Variants in ABCA6 observed in about 807,000 individuals in gnomAD.
ABCA6 encodes ATP-binding cassette sub-family A member 6.
A neutral mutation model predicts 191.2 loss-of-function variants in ABCA6; 164 were observed. The observed-to-expected ratio is 0.86, with a 90% CI of 0.76 to 0.98. The LOEUF is 0.98. Ranked by LOEUF, ABCA6 falls within the 50% of genes least tolerant of loss-of-function variation. The probability of loss-of-function intolerance (pLI) is 0.00; values close to 1 mark genes in which losing one functional copy is unlikely to be tolerated. For synonymous variants in ABCA6, 636 were observed against 647.7 expected, an observed-to-expected ratio of 0.98 and a Z score of 0.27; for missense variants, 1,958 against 1,894.1, an observed-to-expected ratio of 1.03 and a Z score of -0.63.
At position 69,106,113 on chromosome 17, in the gene ABCA6, T is replaced by A; in HGVS notation, c.2488A>T (p.Met830Leu). Residue 830 changes from methionine to leucine, a missense_variant, in exon 19 of 39, where the codon ATG becomes TTG. By Grantham distance (15) the Met-to-Leu change is conservative (BLOSUM62 2). Transcript: ENST00000284425. ...AAGACTTGCATTCTCCAGAGGCCCA[T>A]GTCACTCACAGCTGTCTGCATTTCA... is the stretch of plus-strand genomic sequence containing the variant. ...FSEMQTAVSDMGLWRMQVFAM... is the reference protein window; with the variant it reads ...FSEMQTAVSDLGLWRMQVFAM... 6.2e-7 allele frequency: 1 copy of A among 1,613,926 alleles called. No individual in the cohort carries two copies. The highest frequency in any genetic ancestry group is 8.5e-7 in the Non-Finnish European group (1 of 1,179,890).
chr17:69,104,187 A>C (rs1442657009), intron 20 of ABCA6: 1 of 152,120 alleles, frequency 6.6e-6, no homozygotes, highest in Non-Finnish European at 1.5e-5. Context: ...GCAGATTTTG[A>C]GAAAAGAGGA....
intron 26 of ABCA6, among the ~76,000 whole-genome samples, chr17:69,089,864 G>A (rs1785534587): frequency 6.6e-6 from 1 of 152,194 alleles, no homozygotes; most frequent in African/African-American, 2.4e-5. Flanking sequence ...ATTACTGAAA[G>A]CATAGCAGAG....
In ABCA6 at chr17:69,139,539, T is replaced by C. The variant is rs533125570; in HGVS notation, c.96+1069A>G. 6.0e-3 allele frequency among the ~76,000 whole-genome samples: 915 copies of C among 152,202 alleles called. 9 individuals carry two copies. The highest frequency in any genetic ancestry group is 0.021 in the African/African-American group (874 of 41,514). On this transcript the variant is annotated intron_variant, in intron 2 of 38. Transcript: ENST00000284425. The stretch of plus-strand genomic sequence containing the variant: ...TCAACCATTGTGGAAGTCAGTGTGG[T>C]GATTCCTCAGGGATCTAGAACTAGA...
chr17:69,123,129 G>A (rs905691705), intron 10 of ABCA6, 110 bp downstream of exon 10: 7 of 584,784 alleles, frequency 1.2e-5, no homozygotes, highest in Admixed American at 4.9e-5. Flanking sequence ...AAACATGCAC[G>A]TTGTGCACAT....
chr17:69,107,769 T>A lies in ABCA6; in HGVS notation c.2316A>T (p.Thr772=). The A allele has an allele frequency of 6.2e-7, 1 of 1,612,868 alleles. No homozygotes were observed. Among genetic ancestry groups the A allele is most frequent in the Non-Finnish European group, 8.5e-7 (1 of 1,179,396 alleles). ...GAGTTGACATGGAAATGTCATAACC[T>A]GTCACTCCCTGGTCAGAACACTTAT... ...DLDKCSDQGV[T]GYDISMSTLN... Residue 772 remains threonine (T), a synonymous_variant, in exon 18 of 39, where the codon ACA becomes ACT. Coordinates refer to ENST00000284425, the MANE Select transcript of ABCA6 (RefSeq NM_080284.3).
chr17:69,128,840 A>G, intron 7 of ABCA6, 36 bp from the exon 8 acceptor site: 1 of 1,497,444 alleles, frequency 6.7e-7, no homozygotes, highest in Non-Finnish European at 9.0e-7. Context: ...TGTTATAAAA[A>G]ATATTTAGCT....
intron 31 of ABCA6, 87 bp from the exon 32 acceptor site, chr17:69,085,269 A>G: frequency 7.6e-7 from 1 of 1,317,452 alleles, no homozygotes; most frequent in South Asian, 1.4e-5. Context: ...ATAAGCGTCT[A>G]AATTGTTTAA....
intron 18 of ABCA6, among the ~76,000 whole-genome samples, 155 bp downstream of exon 18, chr17:69,107,541 C>T (rs1231085038): frequency 6.6e-6 from 1 of 152,038 alleles, no homozygotes; most frequent in African/African-American, 2.4e-5. Context: ...AGTAATGACG[C>T]TAAGAAATAA....
rs1346814381 is a variant in ABCA6, at chr17:69,105,637, T to C, written c.2574-9A>G. The C allele has an allele frequency of 2.1e-6, 3 of 1,453,266 alleles. No homozygotes were observed. The highest frequency in any genetic ancestry group is 2.8e-6 in the Non-Finnish European group (3 of 1,058,086). 90.0% of individuals were successfully genotyped at this position (1,453,266 alleles called of 1,614,324 possible). A position where few individuals can be genotyped will look rare whatever the true frequency, so the allele number is the denominator to read the frequency against. ...TTCCAAATACCAATAATCTAAACAATAAAGAAAAATTAGCATATTAATCTC... is the reference window on the plus strand; with the variant it reads ...TTCCAAATACCAATAATCTAAACAACAAAGAAAAATTAGCATATTAATCTC... On this transcript the variant is annotated splice_polypyrimidine_tract_variant and intron_variant, in intron 19 of 38. Coordinates refer to ENST00000284425, the MANE Select transcript of ABCA6 (RefSeq NM_080284.3).
chr17:69,102,437 A>T (rs530786544), intron 21 of ABCA6, among the ~76,000 whole-genome samples: 1 of 152,320 alleles, frequency 6.6e-6, no homozygotes, highest in South Asian at 2.1e-4. Flanking sequence ...CAGACTGAGA[A>T]TACTTTTTTC....
At chr17:69,126,742 C>G (rs2073762304) in intron 8 of ABCA6, among the ~76,000 whole-genome samples, 1 of 152,108 alleles carries the variant, frequency 6.6e-6, no homozygotes, top group Non-Finnish European at 1.5e-5. Context: ...AAAAAGATGA[C>G]TATTTTCTTC....
chr17:69,095,565 C>G (rs1343623423), intron 25 of ABCA6: 1 of 152,190 alleles, frequency 6.6e-6, no homozygotes, highest in Non-Finnish European at 1.5e-5. Context: ...AAAAAAAACG[C>G]AATTGCTCTT....
chr17:69,092,828 C>T (rs1364363568), intron 25 of ABCA6, among the ~76,000 whole-genome samples: 1 of 152,158 alleles, frequency 6.6e-6, no homozygotes, highest in Non-Finnish European at 1.5e-5. Flanking sequence ...TTGCCTTAGT[C>T]CTAGGACTAG....
At chr17:69,108,425 C>T (rs1031367023) in intron 17 of ABCA6, 1 of 152,142 alleles carries the variant, frequency 6.6e-6, no homozygotes, top group Non-Finnish European at 1.5e-5. Flanking sequence ...CACTCTAACT[C>T]ACTGGCCTTG....
At chr17:69,124,083 T>C (rs1281193447) in intron 9 of ABCA6, among the ~76,000 whole-genome samples, 1 of 152,046 alleles carries the variant, frequency 6.6e-6, no homozygotes, top group African/African-American at 2.4e-5. Flanking sequence ...AATCTATATA[T>C]TCCTGCTTAG....
At chr17:69,110,695 CA>C in intron 17 of ABCA6, 105 bp downstream of exon 17, 1 of 1,367,324 alleles carries the variant, frequency 7.3e-7, no homozygotes, top group Non-Finnish European at 9.7e-7. Flanking sequence ...CTCAGGTGGC[CA>C]AAACTAAGAA....
chr17:69,123,140 G>C (rs111974684), intron 10 of ABCA6, 99 bp downstream of exon 10: 1 of 732,344 alleles, frequency 1.4e-6, no homozygotes, highest in Non-Finnish European at 1.8e-6. Flanking sequence ...TTGTGCACAT[G>C]TACCCTAAAA....
rs774789074 is a variant in ABCA6, at chr17:69,081,052, G to A, written c.4696+14C>T. 3 of 1,486,800 alleles carry A rather than the reference G, an allele frequency of 2.0e-6. No homozygotes were observed. The African/African-American group carries it at 4.2e-5, about 21-fold the overall frequency. The allele number at this position is 1,486,800 out of a possible 1,614,324, so 92.1% of individuals were successfully genotyped here. ...GATTCTTCAAAAGATTTATTTGAATGTGGTCACTCTTACCTGCTTCTAATT... is the reference window on the plus strand; with the variant it reads ...GATTCTTCAAAAGATTTATTTGAATATGGTCACTCTTACCTGCTTCTAATT... On this transcript the variant is annotated intron_variant, in intron 37 of 38. Transcript: ENST00000284425.
rs2073797510 is a variant in ABCA6, at chr17:69,128,553, C to T, written c.1119+66G>A. 8.6e-6 allele frequency: 11 copies of T among 1,280,658 alleles called. No individual in the cohort carries two copies. The Admixed American group carries it at 2.0e-4, about 23-fold the overall frequency. 79.3% of individuals were successfully genotyped at this position (1,280,658 alleles called of 1,614,324 possible). On this transcript the variant is annotated intron_variant, in intron 8 of 38. Transcript: ENST00000284425. The stretch of plus-strand genomic sequence containing the variant: ...GCTCTTAGTTTGAGTAGTGCTGATC[C>T]TACAGCGTATGAAGTATCTACTTCT...
Sources: allele counts gnomAD v4.1 joint callset (sites outside exome capture counted in the v4.1 genomes callset), GRCh38; gene constraint gnomAD v4.1.1; transcripts MANE v1.5; gene names NCBI Gene and HGNC (gene_info 2026-07-23, HGNC 2026-07-21).